Variants in SCN4A observed in about 807,000 individuals in gnomAD.
SCN4A encodes the protein sodium voltage-gated channel alpha subunit 4, also known as sodium channel protein type 4 subunit alpha.
A neutral mutation model predicts 162.0 loss-of-function variants in SCN4A; 83 were observed. That is an observed-to-expected ratio of 0.51 (90% CI 0.43 to 0.61). The LOEUF (loss-of-function observed/expected upper bound fraction) is 0.61. SCN4A is among the 20% of genes least tolerant of loss of function. The probability of loss-of-function intolerance (pLI) is 0.00; values close to 1 mark genes in which losing one functional copy is unlikely to be tolerated. For missense variants in SCN4A, 2,196 were observed against 2,462.5 expected, an observed-to-expected ratio of 0.89 and a Z score of 2.29; for synonymous variants, 944 against 985.1, an observed-to-expected ratio of 0.96 and a Z score of 0.78.
Position 63,964,626 on chromosome 17 carries a change from A to G in SCN4A, c.1294T>C (p.Phe432Leu). 6.2e-7 allele frequency: 1 copy of G among 1,613,200 alleles called. No homozygotes were observed. Among genetic ancestry groups the G allele is most frequent in the South Asian group, 1.1e-5 (1 of 90,926 alleles). Residue 432 changes from phenylalanine to leucine, a missense_variant, in exon 9 of 24, where the codon TTC becomes CTC. Physicochemically the swap from Phe to Leu is conservative, Grantham distance 22. Transcript: ENST00000435607. ...TYMIFFVVII[F>L]LGSFYLINLI... ...TTGATGAGGTAGAAAGAGCCCAGGA[A>G]GATGATGACCACGAAGAAGATCATG...
At chr17:63,965,586 T>A (rs1429328305) in intron 8 of SCN4A, among the ~76,000 whole-genome samples, 1 of 152,160 alleles carries the variant, frequency 6.6e-6, no homozygotes, top group African/African-American at 2.4e-5. Flanking sequence ...CCTCCCGGGT[T>A]CAAGCAATTC....
In SCN4A at chr17:63,964,577, A is replaced by G. The variant is rs768617159; in HGVS notation, c.1343T>C (p.Met448Thr). 5 of 1,613,786 alleles carry G rather than the reference A, an allele frequency of 3.1e-6. No homozygotes were observed. The South Asian group carries it at 4.4e-5, about 14-fold the overall frequency. The change falls in exon 9 of 24, where the codon ATG (methionine) becomes ACG (threonine). Residue 448 changes from methionine (M) to threonine (T), a missense_variant. Coordinates refer to ENST00000435607, the MANE Select transcript of SCN4A (RefSeq NM_000334.4). Reference protein sequence around the residue: ...LINLILAVVAMAYAEQNEATL... With the variant: ...LINLILAVVATAYAEQNEATL... Reference sequence around the variant, plus strand: ...GGCCTCATTCTGCTCGGCATATGCCATGGCCACCACGGCCAGGATCAGATT... The same window carrying G: ...GGCCTCATTCTGCTCGGCATATGCCGTGGCCACCACGGCCAGGATCAGATT...
intron 13 of SCN4A, among the ~76,000 whole-genome samples, chr17:63,953,501 A>G (rs1315160024): frequency 6.6e-6 from 1 of 151,076 alleles, no homozygotes; most frequent in Non-Finnish European, 1.5e-5. Context: ...AGCCTGGCCA[A>G]CATGGTGAAA....
Position 63,941,370 on chromosome 17 carries a change from T to A in SCN4A, c.4912A>T (p.Ser1638Cys). ...GTGTCCACGAAGTCTGAGAGGCGGC[T>A]GTAGGCGATGAACTGGGTGGCGTCG... Reference protein sequence around the residue: ...DPDATQFIAYSRLSDFVDTLQ... With the variant: ...DPDATQFIAYCRLSDFVDTLQ... Residue 1638 changes from serine (S) to cysteine (C), a missense_variant, in exon 24 of 24, where the codon AGC (serine) becomes TGC (cysteine). Physicochemically the swap from Ser to Cys is moderately radical, Grantham distance 112. Coordinates refer to ENST00000435607, the MANE Select transcript of SCN4A (RefSeq NM_000334.4). The surrounding 1 kb of genome is among the most constrained non-coding windows in gnomAD (Gnocchi z 6.2). The A allele has an allele frequency of 6.2e-7, 1 of 1,613,914 alleles. No individual in the cohort carries two copies. The highest frequency in any genetic ancestry group is 8.5e-7 in the Non-Finnish European group (1 of 1,179,886).
chr17:63,971,094 G>C lies in SCN4A; in HGVS notation c.703+68C>G, dbSNP rs1218270636. 6.7e-6 allele frequency: 7 copies of C among 1,040,480 alleles called. No homozygotes were observed. In the South Asian group the frequency reaches 9.5e-5, roughly 14 times the overall value. 64.5% of individuals were successfully genotyped at this position (1,040,480 alleles called of 1,614,324 possible). On this transcript the variant is annotated intron_variant, in intron 5 of 23. Coordinates refer to ENST00000435607, the MANE Select transcript of SCN4A (RefSeq NM_000334.4). ...TGGGAGTGTTGTGACACTGAGTCAG[G>C]TTCCAGGCCTGCACATGGTACGGGG...
In SCN4A at chr17:63,945,074, G is replaced by A. The variant is rs761700338; in HGVS notation, c.3721-14C>T. 1 of 1,612,396 alleles carries A rather than the reference G, an allele frequency of 6.2e-7. No individual in the cohort carries two copies. The highest frequency in any genetic ancestry group is 8.5e-7 in the Non-Finnish European group (1 of 1,179,038). On this transcript the variant is annotated splice_polypyrimidine_tract_variant and intron_variant, in intron 19 of 23. Transcript: ENST00000435607. This position sits in a 1 kb window ranked among gnomAD's most constrained non-coding sequence, Gnocchi z 4.4. ...CTTGAAGGTGGCCTGAGAGAGTGTG[G>A]TTGGGGAGTGAGCCGGGGGGCTGCT... is the stretch of plus-strand genomic sequence containing the variant.
Position 63,941,847 on chromosome 17 carries a change from G to T in SCN4A, c.4435C>A (p.Leu1479Met). ...RTLLFALMMS[L>M]PALFNIGLLL... ...AGGCCGATGTTGAAGAGGGCAGGCA[G>T]CGACATCATGAGGGCGAACAGCAGC... Residue 1479 changes from leucine (L) to methionine (M), a missense_variant, in exon 24 of 24, where the codon CTG (leucine) becomes ATG (methionine). Physicochemically the swap from Leu to Met is conservative, Grantham distance 15. Transcript: ENST00000435607. This position sits in a 1 kb window ranked among gnomAD's most constrained non-coding sequence, Gnocchi z 6.2. 1 of 1,614,166 alleles carries T rather than the reference G, an allele frequency of 6.2e-7. No homozygotes were observed. Among genetic ancestry groups the T allele is most frequent in the Non-Finnish European group, 8.5e-7 (1 of 1,179,982 alleles).
intron 15 of SCN4A, 74 bp downstream of exon 15, chr17:63,949,319 C>T (rs796291789): frequency 2.7e-6 from 4 of 1,458,276 alleles, no homozygotes; most frequent in Non-Finnish European, 3.6e-6. Flanking sequence ...TGCTTTTGGT[C>T]CTGGTGTAGC....
rs374117998 is a variant in SCN4A, at chr17:63,945,987, C to A, written c.3442-349G>T. Among the ~76,000 whole-genome samples, 2 of 152,124 alleles carry A rather than the reference C, an allele frequency of 1.3e-5. No homozygotes were observed. The highest frequency in any genetic ancestry group is 1.3e-4 in the Admixed American group (2 of 15,276). On this transcript the variant is annotated intron_variant, in intron 18 of 23. Transcript: ENST00000435607. This position sits in a 1 kb window ranked among gnomAD's most constrained non-coding sequence, Gnocchi z 4.4. Reference sequence around the variant, plus strand: ...GGAAACTCAGCTCACGTGACCCAGCCCCTGCTCATGGGTTTTCAGCCCCAG... The same window carrying A: ...GGAAACTCAGCTCACGTGACCCAGCACCTGCTCATGGGTTTTCAGCCCCAG...
In SCN4A at chr17:63,948,042, C is replaced by T; in HGVS notation, c.3166G>A (p.Glu1056Lys). 1 of 1,610,552 alleles carries T rather than the reference C, an allele frequency of 6.2e-7. No individual in the cohort carries two copies. Among genetic ancestry groups the T allele is most frequent in the Non-Finnish European group, 8.5e-7 (1 of 1,177,324 alleles). The change falls in exon 17 of 24, where the codon GAG becomes AAG. Residue 1056 changes from glutamate to lysine, a missense_variant. Transcript: ENST00000435607. The stretch of plus-strand genomic sequence containing the variant: ...ATGGTGCGAATGACTCGCCGCTGCT[C>T]AATGTAGATGTCCTCGAAGGCCTGG... ...GALAFEDIYI[E>K]QRRVIRTILE...
At chr17:63,953,025 G>C (rs1049738491) in intron 13 of SCN4A, among the ~76,000 whole-genome samples, 6 of 152,132 alleles carry the variant, frequency 3.9e-5, no homozygotes, top group Non-Finnish European at 8.8e-5. Context: ...TCTGTAAAAA[G>C]GAGATTATCC....
chr17:63,968,306 C>A lies in SCN4A; in HGVS notation c.753G>T (p.Ser251=). The change falls in exon 6 of 24, where the codon TCG becomes TCT. Residue 251 remains serine (S), a synonymous_variant. Transcript: ENST00000435607. ...GALIQSVKKL[S]DVMILTVFCL... ...AGAAGACAGTGAGGATCATCACATC[C>A]GACAGCTTTTTCACCGACTGGATCA... 2 of 1,610,536 alleles carry A rather than the reference C, an allele frequency of 1.2e-6. No individual in the cohort carries two copies. Among genetic ancestry groups the A allele is most frequent in the African/African-American group, 1.3e-5 (1 of 74,980 alleles).
chr17:63,941,975 A>G lies in SCN4A; in HGVS notation c.4307T>C (p.Leu1436Pro), dbSNP rs1598405334. The G allele has an allele frequency of 7.0e-6, 11 of 1,578,436 alleles. No homozygotes were observed. The highest frequency in any genetic ancestry group is 9.5e-6 in the Non-Finnish European group (11 of 1,159,502). The change falls in exon 24 of 24, where the codon CTG becomes CCG. Residue 1436 changes from leucine to proline, a missense_variant. By Grantham distance (98) the Leu-to-Pro change is moderately conservative. Transcript: ENST00000435607. This position sits in a 1 kb window ranked among gnomAD's most constrained non-coding sequence, Gnocchi z 6.2. Reference protein sequence around the residue: ...LSIVGLALSDLIQKYFVSPTL... With the variant: ...LSIVGLALSDPIQKYFVSPTL... ...GGGTGACACGAAGTACTTCTGGATC[A>G]GGTCAGAGAGGGCAAGGCCTGCGGG...
chr17:63,963,498 A>G (rs962270386), intron 10 of SCN4A, among the ~76,000 whole-genome samples, 174 bp downstream of exon 10: 1 of 152,180 alleles, frequency 6.6e-6, no homozygotes, highest in African/African-American at 2.4e-5. Context: ...TTCTATGCCA[A>G]TATTAAGTTA....
chr17:63,939,034 T>C lies in SCN4A; in HGVS notation c.*1737A>G, dbSNP rs16947276. 0.065 allele frequency: 9,878 copies of C among 152,960 alleles called. 1,088 individuals are homozygous for C. Among genetic ancestry groups the C allele is most frequent in the African/African-American group, 0.22 (9,279 of 41,480 alleles). 9.5% of individuals were successfully genotyped at this position (152,960 alleles called of 1,614,324 possible). A position where few individuals can be genotyped will look rare whatever the true frequency, so the allele number is the denominator to read the frequency against. On this transcript the variant is annotated 3_prime_UTR_variant, in exon 24 of 24. Transcript: ENST00000435607. Reference sequence around the variant, plus strand: ...ACTGGGAGCAGGTGAGAGAGCATGGTGGACAATAAAGACAACTCTGGCCCA... The same window carrying C: ...ACTGGGAGCAGGTGAGAGAGCATGGCGGACAATAAAGACAACTCTGGCCCA...
Position 63,940,778 on chromosome 17 carries a change from A to G in SCN4A, c.5504T>C (p.Leu1835Pro), listed in dbSNP as rs1908491827. 1 of 1,569,228 alleles carries G rather than the reference A, an allele frequency of 6.4e-7. No homozygotes were observed. Among genetic ancestry groups the G allele is most frequent in the Non-Finnish European group, 8.7e-7 (1 of 1,155,502 alleles). ...QTVRPGVKES[L>P]V is the part of the protein sequence containing the mutation. ...CCACCCCGATGCTGCCTGCTAGACA[A>G]GAGACTCCTTGACACCTGGGCGCAC... The change falls in exon 24 of 24, where the codon CTT (leucine) becomes CCT (proline). Residue 1835 changes from leucine to proline, a missense_variant. Coordinates refer to ENST00000435607, the MANE Select transcript of SCN4A (RefSeq NM_000334.4).
At chr17:63,962,567 C>T (rs1028128394) in intron 10 of SCN4A, among the ~76,000 whole-genome samples, 4 of 152,026 alleles carry the variant, frequency 2.6e-5, no homozygotes, top group African/African-American at 2.4e-5. Context: ...CAGTGCCTCC[C>T]GGTAAATACA....
At chr17:63,947,220 C>T in intron 17 of SCN4A, 53 bp from the exon 18 acceptor site, 2 of 1,607,364 alleles carry the variant, frequency 1.2e-6, no homozygotes, top group Admixed American at 1.7e-5. Flanking sequence ...AGCCTCCCCT[C>T]AAGCCCAGGC....
Position 63,972,041 on chromosome 17 carries a change from TC to T in SCN4A, c.482+94del. ...ATGAGGGTCACAATGACAGTGTGTC[TC>T]CCTGAAAGACAAGAGCAGCACCACA... On this transcript the variant is annotated intron_variant, in intron 3 of 23. Coordinates refer to ENST00000435607, the MANE Select transcript of SCN4A (RefSeq NM_000334.4). This position sits in a 1 kb window ranked among gnomAD's most constrained non-coding sequence, Gnocchi z 4.3. The T allele has an allele frequency of 9.0e-7, 1 of 1,116,190 alleles. No individual in the cohort carries two copies. Among genetic ancestry groups the T allele is most frequent in the Non-Finnish European group, 1.3e-6 (1 of 751,390 alleles). 69.1% of individuals were successfully genotyped at this position (1,116,190 alleles called of 1,614,324 possible).
Sources: gnomAD v4.1 joint callset for allele counts (sites outside exome capture counted in the v4.1 genomes callset) on GRCh38, gnomAD v4.1.1 for gene constraint, Gnocchi (gnomAD v3.1) non-coding constraint, MANE v1.5 for transcripts, NCBI Gene and HGNC (gene_info 2026-07-23, HGNC 2026-07-21) for gene names.